Variants in SCN3A observed in about 807,000 individuals in gnomAD.
SCN3A encodes the protein sodium channel protein type 3 subunit alpha.
A neutral mutation model predicts 187.6 loss-of-function variants in SCN3A; 60 were observed. The observed-to-expected ratio is 0.32, with a 90% confidence interval of 0.26 to 0.40. The LOEUF (loss-of-function observed/expected upper bound fraction) is 0.40, where lower values mean the gene tolerates loss of function less well. SCN3A is among the 10% of genes least tolerant of loss of function. The probability of loss-of-function intolerance (pLI) is 1.00; values close to 1 mark genes in which losing one functional copy is unlikely to be tolerated. For missense variants in SCN3A, 1,601 were observed against 2,428.2 expected (o/e 0.66, Z 7.16); for synonymous variants, 788 against 829.2 (o/e 0.95, Z 0.85).
chr2:165,090,010 G>C lies in SCN3A; in HGVS notation c.*140C>G. The stretch of plus-strand genomic sequence containing the variant: ...GCAGTGACAGAGAGGTCACTTCACT[G>C]TCTTGTATAGGCACTGACTATGAGT... On this transcript the variant is annotated 3_prime_UTR_variant, in exon 28 of 28. Coordinates refer to ENST00000283254, the MANE Select transcript of SCN3A (RefSeq NM_006922.4). The surrounding 1 kb of genome is among the most constrained non-coding windows in gnomAD (Gnocchi z 4.0). The C allele has an allele frequency of 1.7e-6, 2 of 1,203,778 alleles. No homozygotes were observed. The highest frequency in any genetic ancestry group is 2.3e-6 in the Non-Finnish European group (2 of 869,072). The allele number at this position is 1,203,778 out of a possible 1,614,324, so 74.6% of individuals were successfully genotyped here.
chr2:165,143,897 T>TA (rs1688167877), intron 12 of SCN3A, among the ~76,000 whole-genome samples: 1 of 152,330 alleles, frequency 6.6e-6, no homozygotes, highest in South Asian at 2.1e-4. Context: ...TAAGATGTTC[T>TA]AGTGGGAACA....
intron 11 of SCN3A, among the ~76,000 whole-genome samples, chr2:165,147,359 G>T (rs752476558): frequency 2.2e-4 from 33 of 151,832 alleles, no homozygotes; most frequent in Non-Finnish European, 4.4e-4. Flanking sequence ...TTTCTTCGTG[G>T]TGGTTGCTTA....
chr2:165,172,371 A>T (rs1690162219), intron 3 of SCN3A, among the ~76,000 whole-genome samples: 1 of 152,206 alleles, frequency 6.6e-6, no homozygotes, highest in Non-Finnish European at 1.5e-5. Flanking sequence ...AGTTTTATGA[A>T]GCGGGCAAGC....
chr2:165,176,250 G>C lies in SCN3A; in HGVS notation c.145C>G (p.Pro49Ala). 6.2e-7 allele frequency: 1 copy of C among 1,612,694 alleles called. No homozygotes were observed. The highest frequency in any genetic ancestry group is 8.5e-7 in the Non-Finnish European group (1 of 1,179,418). ...GCTTCCAAGTCACTATTTGGCTTTG[G>C]TTTGTTCTCATCATCATTATCTTGT... ...KEQDNDDENK[P>A]KPNSDLEAGK... is the part of the protein sequence containing the mutation. The change falls in exon 3 of 28, where the codon CCA becomes GCA. Residue 49 changes from proline to alanine, a missense_variant. Coordinates refer to ENST00000283254, the MANE Select transcript of SCN3A (RefSeq NM_006922.4).
rs753095178 is a variant in SCN3A at position 165,162,321 on chromosome 2, C to A, written c.1018G>T (p.Gly340Cys). 6.2e-7 allele frequency: 1 copy of A among 1,613,134 alleles called. No individual in the cohort carries two copies. Among genetic ancestry groups the A allele is most frequent in the Non-Finnish European group, 8.5e-7 (1 of 1,179,600 alleles). Residue 340 changes from glycine (G) to cysteine (C), a missense_variant, in exon 9 of 28, where the codon GGC becomes TGC. By Grantham distance (159) the Gly-to-Cys change is radical. Coordinates refer to ENST00000283254, the MANE Select transcript of SCN3A (RefSeq NM_006922.4). Reference sequence around the variant, plus strand: ...TATGTTTCTTACCCTGCATCTGAGCCATTTCCACAGAGTAAAGGGTCTTTT... The same window carrying A: ...TATGTTTCTTACCCTGCATCTGAGCAATTTCCACAGAGTAAAGGGTCTTTT... The part of the protein sequence containing the change: ...GQKDPLLCGN[G>C]SDAGQCPEGY...
chr2:165,111,341 T>TA (rs1186732704), intron 21 of SCN3A, among the ~76,000 whole-genome samples: 3 of 151,758 alleles, frequency 2.0e-5, no homozygotes, highest in African/African-American at 7.3e-5. Context: ...GTCTCAAAAA[T>TA]AAAAAAAGAT....
At chr2:165,152,399 G>A (rs1488642603) in intron 11 of SCN3A, among the ~76,000 whole-genome samples, 5 of 152,118 alleles carry the variant, frequency 3.3e-5, no homozygotes, top group Admixed American at 2.0e-4. Context: ...TGAAATTAGC[G>A]GCAGATTAAA....
At chr2:165,107,624 G>A (rs1214896930) in intron 21 of SCN3A, among the ~76,000 whole-genome samples, 3 of 152,154 alleles carry the variant, frequency 2.0e-5, no homozygotes, top group Admixed American at 6.6e-5. Flanking sequence ...CCACTTATAC[G>A]CAATCACCTT....
intron 9 of SCN3A, among the ~76,000 whole-genome samples, chr2:165,156,630 A>T (rs1689063846): frequency 6.6e-6 from 1 of 151,802 alleles, no homozygotes; most frequent in Non-Finnish European, 1.5e-5. Flanking sequence ...TCTAAAATAA[A>T]GTTAATATTT....
chr2:165,179,815 GCAGTT>G (rs1300875051), intron 2 of SCN3A: 2 of 152,134 alleles, frequency 1.3e-5, no homozygotes, highest in African/African-American at 4.8e-5. Context: ...TAGTTCTTTC[GCAGTT>G]CTCTTTTACT....
At chr2:165,112,312 CTT>C (rs1162730897) in intron 21 of SCN3A, among the ~76,000 whole-genome samples, 1 of 152,210 alleles carries the variant, frequency 6.6e-6, no homozygotes, top group East Asian at 1.9e-4. Flanking sequence ...ACACCTAACT[CTT>C]TGCATGGTAA....
chr2:165,154,207 C>G (rs894857367), intron 11 of SCN3A, among the ~76,000 whole-genome samples: 9 of 151,794 alleles, frequency 5.9e-5, no homozygotes, highest in African/African-American at 2.2e-4. Flanking sequence ...TGAGACAATT[C>G]CATAGTAAAC....
chr2:165,119,064 C>T (rs150267375), intron 18 of SCN3A, among the ~76,000 whole-genome samples: 505 of 152,146 alleles, frequency 3.3e-3, no homozygotes, highest in Non-Finnish European at 5.0e-3. Flanking sequence ...GCCTGGCCCA[C>T]CTGGATGATT....
chr2:165,188,952 T>G (rs1357905969), intron 1 of SCN3A, among the ~76,000 whole-genome samples: 2 of 152,172 alleles, frequency 1.3e-5, no homozygotes. Flanking sequence ...AAGTGAGTTT[T>G]GTGCAAGCGA....
chr2:165,092,461 T>C lies in SCN3A; in HGVS notation c.4600A>G (p.Ile1534Val). Residue 1534 changes from isoleucine (I) to valine (V), a missense_variant, in exon 27 of 28, where the codon ATC becomes GTC. Around this residue, in one of 11 missense-constraint regions of SCN3A, gnomAD observed 320 missense variants for 623.2 expected, o/e 0.51. Transcript: ENST00000283254. This position sits in a 1 kb window ranked among gnomAD's most constrained non-coding sequence, Gnocchi z 4.2. ...GTGACCATGTTGAGGCAGATGAGGATCATGATGCTGATATCAAAGACTTGT... is the reference window on the plus strand; with the variant it reads ...GTGACCATGTTGAGGCAGATGAGGACCATGATGCTGATATCAAAGACTTGT... ...TRQVFDISIM[I>V]LICLNMVTMM... 1.9e-6 allele frequency: 3 copies of C among 1,613,942 alleles called. No individual in the cohort carries two copies. Among genetic ancestry groups the C allele is most frequent in the Non-Finnish European group, 2.5e-6 (3 of 1,179,902 alleles).
intron 21 of SCN3A, among the ~76,000 whole-genome samples, chr2:165,100,992 CA>C (rs1209497350): frequency 6.6e-6 from 1 of 151,934 alleles, no homozygotes. Context: ...ATAATTATTC[CA>C]GGGAAAATTT....
intron 14 of SCN3A, among the ~76,000 whole-genome samples, chr2:165,138,716 G>C (rs1411639302): frequency 6.6e-6 from 1 of 151,944 alleles, no homozygotes; most frequent in African/African-American, 2.4e-5. Context: ...TAATGGATGA[G>C]GCCTGTTACA....
intron 3 of SCN3A, among the ~76,000 whole-genome samples, chr2:165,174,538 CCTTAAT>C (rs1213223109): frequency 6.6e-6 from 1 of 152,166 alleles, no homozygotes; most frequent in East Asian, 1.9e-4. Flanking sequence ...TTTGTTTCCC[CCTTAAT>C]CTTACCAGCC....
chr2:165,131,858 T>A (rs1687347487), intron 15 of SCN3A, among the ~76,000 whole-genome samples: 1 of 150,892 alleles, frequency 6.6e-6, no homozygotes, highest in African/African-American at 2.4e-5. Context: ...GGTGTTTGGT[T>A]TTTTGTCTTT....
Sources: allele counts gnomAD v4.1 joint callset (sites outside exome capture counted in the v4.1 genomes callset), GRCh38; gene constraint gnomAD v4.1.1; regional missense constraint gnomAD v4.1.1; non-coding constraint Gnocchi (gnomAD v3.1); transcripts MANE v1.5; gene names NCBI Gene and HGNC (gene_info 2026-07-23, HGNC 2026-07-21).